Variants in BMP5 observed in about 807,000 individuals in gnomAD.
The protein encoded by BMP5 is bone morphogenetic protein 5.
BMP5 carries 23 observed loss-of-function variants against 46.6 expected under a neutral mutation model. That is an observed-to-expected ratio of 0.49 (90% CI 0.35 to 0.70). The LOEUF (loss-of-function observed/expected upper bound fraction) is 0.70, where lower values mean the gene tolerates loss of function less well. BMP5 is among the 30% of genes least tolerant of loss of function. The pLI, the probability that BMP5 is intolerant of heterozygous loss-of-function variation, is 0.00. For synonymous variants in BMP5, 204 were observed against 191.9 expected (o/e 1.06, Z -0.52); for missense variants, 545 against 565.6 (o/e 0.96, Z 0.37).
chr6:55,843,950 T>G (rs916763862), intron 1 of BMP5, among the ~76,000 whole-genome samples: 3 of 152,036 alleles, frequency 2.0e-5, no homozygotes, highest in African/African-American at 7.2e-5. Context: ...TCAGTCATGA[T>G]TTTTCATGAA....
At chr6:55,810,942 T>C (rs988402221) in intron 2 of BMP5, among the ~76,000 whole-genome samples, 28 of 152,168 alleles carry the variant, frequency 1.8e-4, no homozygotes, top group Admixed American at 1.7e-3. Context: ...ATAAAGTGTT[T>C]CCATACATTG....
intron 1 of BMP5, among the ~76,000 whole-genome samples, chr6:55,832,096 A>T (rs144810802): frequency 1.3e-5 from 2 of 152,300 alleles, no homozygotes; most frequent in Admixed American, 1.3e-4. Context: ...CATCTTTTGA[A>T]CCTGACAAAG....
intron 1 of BMP5, among the ~76,000 whole-genome samples, chr6:55,828,982 G>T (rs956222517): frequency 1.3e-5 from 2 of 151,672 alleles, no homozygotes; most frequent in African/African-American, 4.8e-5. Flanking sequence ...GTACATGGAT[G>T]TATAATCACA....
chr6:55,862,775 A>T (rs1218526934), intron 1 of BMP5, among the ~76,000 whole-genome samples: 1 of 152,182 alleles, frequency 6.6e-6, no homozygotes, highest in Non-Finnish European at 1.5e-5. Context: ...CCAGAGCTAC[A>T]CAAGCAGGCT....
chr6:55,810,625 C>A (rs1215815099), intron 2 of BMP5, among the ~76,000 whole-genome samples: 3 of 152,220 alleles, frequency 2.0e-5, no homozygotes, highest in Admixed American at 6.5e-5. Flanking sequence ...AGAGCTCTTT[C>A]ATCTTATGAG....
In BMP5 at chr6:55,758,324, T is replaced by C. The variant is rs893575481; in HGVS notation, c.1215+681A>G. ...TCTGCCAAATCGATAGGCCAGATGC[T>C]ATGAGGTACATCAGACTCTCAATAG... On this transcript the variant is annotated intron_variant, in intron 6 of 6. Coordinates refer to ENST00000370830, the MANE Select transcript of BMP5 (RefSeq NM_021073.4). 2.0e-5 allele frequency among the ~76,000 whole-genome samples: 3 copies of C among 151,904 alleles called. No homozygotes were observed. The East Asian group carries it at 5.8e-4, about 29-fold the overall frequency.
chr6:55,757,352 A>T (rs1382428029), intron 6 of BMP5, among the ~76,000 whole-genome samples: 1 of 152,002 alleles, frequency 6.6e-6, no homozygotes, highest in Non-Finnish European at 1.5e-5. Context: ...AAATAGCATT[A>T]CTTCAACTGA....
chr6:55,853,466 C>T (rs1355501393), intron 1 of BMP5, among the ~76,000 whole-genome samples: 1 of 151,884 alleles, frequency 6.6e-6, no homozygotes, highest in African/African-American at 2.4e-5. Context: ...AGAGCAAGCC[C>T]CTCTGGGTTC....
At chr6:55,837,875 G>T (rs1776857094) in intron 1 of BMP5, among the ~76,000 whole-genome samples, 1 of 151,840 alleles carries the variant, frequency 6.6e-6, no homozygotes, top group Non-Finnish European at 1.5e-5. Context: ...CAATTGTTTG[G>T]ATTATTAGAT....
At chr6:55,852,867 C>G (rs1019540334) in intron 1 of BMP5, among the ~76,000 whole-genome samples, 1 of 152,086 alleles carries the variant, frequency 6.6e-6, no homozygotes, top group African/African-American at 2.4e-5. Flanking sequence ...CGCGGAGGCT[C>G]ACGCCTGTAA....
chr6:55,840,576 G>A (rs9367667), intron 1 of BMP5, among the ~76,000 whole-genome samples: 65,828 of 151,866 alleles, frequency 0.43, 14,749 homozygotes, highest in African/African-American at 0.54. Context: ...TATCATATAG[G>A]TTGTGTTGCT....
At chr6:55,789,034 G>C (rs1775515230) in intron 3 of BMP5, among the ~76,000 whole-genome samples, 1 of 151,328 alleles carries the variant, frequency 6.6e-6, no homozygotes, top group Non-Finnish European at 1.5e-5. Context: ...ACCTTGATGT[G>C]GTTGAAAATT....
intron 1 of BMP5, among the ~76,000 whole-genome samples, chr6:55,829,701 A>G (rs1023896011): frequency 5.3e-5 from 8 of 151,930 alleles, no homozygotes; most frequent in African/African-American, 1.9e-4. Flanking sequence ...TTCAAAAAAT[A>G]CATAACCATG....
At chr6:55,755,917 C>A (rs1354548497) in intron 6 of BMP5, among the ~76,000 whole-genome samples, 2 of 151,768 alleles carry the variant, frequency 1.3e-5, no homozygotes, top group African/African-American at 4.8e-5. Flanking sequence ...AAATATCTCA[C>A]CAAATAAAGA....
chr6:55,875,057 T>C lies in BMP5; in HGVS notation c.-192A>G, dbSNP rs1321163210. ...GTCCTATTTTAAATATTTTGGAATA[T>C]GTCAAGAGTAGTTATTTCTAAGAAA... On this transcript the variant is annotated 5_prime_UTR_variant, in exon 1 of 7. Coordinates refer to ENST00000370830, the MANE Select transcript of BMP5 (RefSeq NM_021073.4). The C allele has an allele frequency of 3.3e-6, 2 of 613,026 alleles. No individual in the cohort carries two copies. Among genetic ancestry groups the C allele is most frequent in the Non-Finnish European group, 5.5e-6 (2 of 362,454 alleles). The allele number at this position is 613,026 out of a possible 1,614,324, so 38.0% of individuals were successfully genotyped here. A position where few individuals can be genotyped will look rare whatever the true frequency, so the allele number is the denominator to read the frequency against.
At chr6:55,766,728 C>T (rs962961848) in intron 4 of BMP5, among the ~76,000 whole-genome samples, 2 of 152,022 alleles carry the variant, frequency 1.3e-5, no homozygotes, top group African/African-American at 4.8e-5. Context: ...ACATACCCTA[C>T]TCTTTATGAT....
intron 2 of BMP5, among the ~76,000 whole-genome samples, chr6:55,809,245 T>A (rs563535906): frequency 1.3e-5 from 2 of 152,312 alleles, no homozygotes; most frequent in East Asian, 3.9e-4. Context: ...GCTACTTTCT[T>A]AACAAACTAC....
At chr6:55,766,543 T>A (rs981640587) in intron 4 of BMP5, among the ~76,000 whole-genome samples, 1 of 152,112 alleles carries the variant, frequency 6.6e-6, no homozygotes, top group East Asian at 1.9e-4. Context: ...CAATCTATGA[T>A]CTTCATTGCT....
chr6:55,789,676 T>C (rs944812825), intron 3 of BMP5, among the ~76,000 whole-genome samples: 1 of 152,098 alleles, frequency 6.6e-6, no homozygotes, highest in African/African-American at 2.4e-5. Flanking sequence ...ATTTATTTTA[T>C]CATAGAGGTT....
Sources: gnomAD v4.1 joint callset for allele counts (sites outside exome capture counted in the v4.1 genomes callset) on GRCh38, gnomAD v4.1.1 for gene constraint, MANE v1.5 for transcripts, NCBI Gene and HGNC (gene_info 2026-07-23, HGNC 2026-07-21) for gene names.